CBFA2T3: variants seen among roughly 807,000 people sequenced by gnomAD.
CBFA2T3 encodes CBFA2/RUNX1 partner transcriptional co-repressor 3, also known as transcriptional corepressor CBFA2T3.
In CBFA2T3, 31 loss-of-function variants were observed where a neutral mutation model predicts 58.6. The ratio of observed to expected loss-of-function variants is 0.53; its 90% CI spans 0.40 to 0.71. CBFA2T3 has a LOEUF of 0.71. Among genes scored for constraint, CBFA2T3 ranks in the 30% least tolerant of loss-of-function variants. The pLI, the probability that CBFA2T3 is intolerant of heterozygous loss-of-function variation, is 0.00. For missense variants in CBFA2T3, 1,076 were observed against 963.1 expected (o/e 1.12, Z -1.55); for synonymous variants, 531 against 421.9 (o/e 1.26, Z -3.17).
rs200836784 is a variant in CBFA2T3 at position 88,898,185 on chromosome 16, G to A, written c.305-33C>T. 53 of 1,540,268 alleles carry A rather than the reference G, an allele frequency of 3.4e-5. 1 individual carries two copies. The highest frequency in any genetic ancestry group is 1.8e-4 in the Middle Eastern group (1 of 5,500). Reference sequence around the variant, plus strand: ...CAAAATAAGAAGAACACGCTGTCAGGAGGGGCGTGGGCAGGAGACTCTGCC... The same window carrying A: ...CAAAATAAGAAGAACACGCTGTCAGAAGGGGCGTGGGCAGGAGACTCTGCC... On this transcript the variant is annotated intron_variant, in intron 2 of 11. Transcript: ENST00000268679.
At chr16:88,912,449 A>C (rs1970560608) in intron 1 of CBFA2T3, among the ~76,000 whole-genome samples, 1 of 152,048 alleles carries the variant, frequency 6.6e-6, no homozygotes, top group Admixed American at 6.6e-5. Flanking sequence ...CTACTGGAAT[A>C]CTTCCCTCGA....
At chr16:88,930,425 TAAC>T (rs1400395057) in intron 1 of CBFA2T3, among the ~76,000 whole-genome samples, 2 of 151,788 alleles carry the variant, frequency 1.3e-5, no homozygotes, top group African/African-American at 2.4e-5. Context: ...TGGTCCACCA[TAAC>T]AACAATGGGG....
intron 1 of CBFA2T3, chr16:88,902,332 G>A (rs1010354750): frequency 6.6e-6 from 1 of 152,296 alleles, no homozygotes; most frequent in Non-Finnish European, 1.5e-5. Context: ...TTGACTTCAG[G>A]ATGGCCGAGG....
At chr16:88,937,577 G>C (rs1295347407) in intron 1 of CBFA2T3, 1 of 152,304 alleles carries the variant, frequency 6.6e-6, no homozygotes, top group African/African-American at 2.4e-5. Context: ...AGAGCCCCGT[G>C]GTACCCACCC....
chr16:88,892,162 T>C (rs1969660655), intron 4 of CBFA2T3, 82 bp downstream of exon 4: 1 of 1,517,388 alleles, frequency 6.6e-7, no homozygotes, highest in Non-Finnish European at 9.0e-7. Context: ...GGAGCCCATG[T>C]AAGGAGTGGC....
In CBFA2T3 at chr16:88,876,744, C is replaced by T. The variant is rs1274404502; in HGVS notation, c.*232G>A. The T allele has an allele frequency of 4.3e-6, 2 of 467,220 alleles. No homozygotes were observed. The highest frequency in any genetic ancestry group is 7.5e-6 in the Non-Finnish European group (2 of 268,212). The allele number at this position is 467,220 out of a possible 1,614,324, so 28.9% of individuals were successfully genotyped here. A position where few individuals can be genotyped will look rare whatever the true frequency, so the allele number is the denominator to read the frequency against. On this transcript the variant is annotated 3_prime_UTR_variant, in exon 12 of 12. Transcript: ENST00000268679. ...AAGAGACGTTGTCAGGAGGTCTCCG[C>T]GCGGAATCATTAGGTAGCTGAGGCA...
At chr16:88,933,056 C>CA (rs1971370002) in intron 1 of CBFA2T3, among the ~76,000 whole-genome samples, 1 of 152,186 alleles carries the variant, frequency 6.6e-6, no homozygotes, top group Non-Finnish European at 1.5e-5. Context: ...GAGCCAGGAC[C>CA]CGGAGACGTC....
At chr16:88,895,535 C>A (rs1251324736) in intron 3 of CBFA2T3, among the ~76,000 whole-genome samples, 1 of 152,194 alleles carries the variant, frequency 6.6e-6, no homozygotes, top group African/African-American at 2.4e-5. Context: ...CCCCGGCAGG[C>A]CCCACACACC....
Position 88,960,549 on chromosome 16 carries a change from T to G in CBFA2T3, c.151+16108A>C, listed in dbSNP as rs577466718. On this transcript the variant is annotated intron_variant, in intron 1 of 11. Coordinates refer to ENST00000268679, the MANE Select transcript of CBFA2T3 (RefSeq NM_005187.6). ...GCCTCCACAAGAATCTCAATTTTCC[T>G]TATGAAAAGAGGCTGGCCTAGTCTT... Among the ~76,000 whole-genome samples, 4 of 152,344 alleles carry G rather than the reference T, an allele frequency of 2.6e-5. No homozygotes were observed. In the East Asian group the frequency reaches 5.8e-4, roughly 22 times the overall value.
intron 8 of CBFA2T3, 40 bp from the exon 9 acceptor site, chr16:88,881,529 C>G (rs1411329449): frequency 6.4e-7 from 1 of 1,567,896 alleles, no homozygotes; most frequent in South Asian, 1.1e-5. Context: ...CTCAGAGGGA[C>G]CGGGACGCAC....
chr16:88,938,181 T>C (rs1971571388), intron 1 of CBFA2T3: 11 of 152,266 alleles, frequency 7.2e-5, no homozygotes, highest in Admixed American at 7.2e-4. Flanking sequence ...AGGGCCTGTA[T>C]CCAGGTGAGG....
At chr16:88,952,852 T>G (rs1175970582) in intron 1 of CBFA2T3, among the ~76,000 whole-genome samples, 1 of 151,698 alleles carries the variant, frequency 6.6e-6, no homozygotes, top group Admixed American at 6.6e-5. Context: ...AGCTCAAGGC[T>G]TCCTTCCCCC....
intron 5 of CBFA2T3, among the ~76,000 whole-genome samples, chr16:88,888,039 T>G (rs778316209): frequency 2.6e-5 from 4 of 152,134 alleles, no homozygotes; most frequent in Non-Finnish European, 5.9e-5. Context: ...TTGCTGTATC[T>G]GCAAACTAGC....
chr16:88,880,775 C>T lies in CBFA2T3; in HGVS notation c.1416G>A (p.Glu472=), dbSNP rs550748493. ...PEGPQLDVPR[E]FLPRTLTGYV... is the part of the protein sequence containing the mutation. ...AGCCGGTGAGGGTCCTCGGCAGGAACTCGCGAGGCACGTCTGAAACAGGGG... is the reference window on the plus strand; with the variant it reads ...AGCCGGTGAGGGTCCTCGGCAGGAATTCGCGAGGCACGTCTGAAACAGGGG... The change falls in exon 10 of 12, where the codon GAG becomes GAA. Residue 472 remains glutamate, a synonymous_variant. Transcript: ENST00000268679. 3.2e-6 allele frequency: 5 copies of T among 1,584,926 alleles called. No individual in the cohort carries two copies. The African/African-American group carries it at 4.0e-5, about 13-fold the overall frequency.
intron 1 of CBFA2T3, among the ~76,000 whole-genome samples, chr16:88,962,162 C>T (rs1189718331): frequency 4.0e-5 from 6 of 151,786 alleles, no homozygotes; most frequent in Non-Finnish European, 5.9e-5. Context: ...CCATAGTAAC[C>T]GACACTCAGC....
chr16:88,880,824 C>T (rs200109811), intron 9 of CBFA2T3, 36 bp from the exon 10 acceptor site: 146 of 1,549,334 alleles, frequency 9.4e-5, no homozygotes, highest in East Asian at 7.0e-4. Flanking sequence ...GGATGGGCCA[C>T]GCGGCTGCCC....
At position 88,882,575 on chromosome 16, in the gene CBFA2T3, GGCGTGGCTGTGTGT is replaced by G; in HGVS notation, c.1203+87_1203+100del. ...GTGGCTGTGTGTGGGCATGGCTGTG[GGCGTGGCTGTGTGT>G]GCATGGCTGTGTGTGCGTGGCTGTG... On this transcript the variant is annotated intron_variant, in intron 8 of 11. Transcript: ENST00000268679. 7.4e-6 allele frequency: 3 copies of G among 406,964 alleles called. 1 individual carries two copies. Among genetic ancestry groups the G allele is most frequent in the Non-Finnish European group, 1.3e-5 (3 of 239,234 alleles). The allele number at this position is 406,964 out of a possible 1,614,324, so 25.2% of individuals were successfully genotyped here.
chr16:88,910,272 C>A (rs527927962), intron 1 of CBFA2T3, among the ~76,000 whole-genome samples: 4 of 152,346 alleles, frequency 2.6e-5, no homozygotes, highest in Admixed American at 6.5e-5. Context: ...GGTGATGCTG[C>A]AGCCCGCGCG....
chr16:88,977,075 T>A lies in CBFA2T3; in HGVS notation c.-268A>T. The A allele has an allele frequency of 2.5e-6, 1 of 400,680 alleles. No homozygotes were observed. The highest frequency in any genetic ancestry group is 4.5e-6 in the Non-Finnish European group (1 of 219,946). The allele number at this position is 400,680 out of a possible 1,614,324, so 24.8% of individuals were successfully genotyped here. On this transcript the variant is annotated 5_prime_UTR_variant, in exon 1 of 12. Transcript: ENST00000268679. ...GGCTGGGGAAGGTCTCCCTGCAGCC[T>A]GCGGGTGAGGCAGCCAGCTGTGTCC...
Sources: allele counts gnomAD v4.1 joint callset (sites outside exome capture counted in the v4.1 genomes callset), GRCh38; gene constraint gnomAD v4.1.1; transcripts MANE v1.5; gene names NCBI Gene and HGNC (gene_info 2026-07-23, HGNC 2026-07-21).